Variants in SNTG1 observed in about 807,000 individuals in gnomAD.
SNTG1 encodes syntrophin gamma 1, also known as gamma-1-syntrophin.
A neutral mutation model predicts 74.7 loss-of-function variants in SNTG1; 39 were observed. The ratio of observed to expected loss-of-function variants is 0.52; its 90% confidence interval spans 0.40 to 0.68. The LOEUF (loss-of-function observed/expected upper bound fraction) is 0.68, where lower values mean the gene tolerates loss of function less well. Ranked by LOEUF, SNTG1 falls within the 30% of genes least tolerant of loss-of-function variation. The pLI is 0.00. For missense variants in SNTG1, 685 were observed against 609.5 expected (o/e 1.12, Z -1.30); for synonymous variants, 254 against 217.1 (o/e 1.17, Z -1.49).
intron 1 of SNTG1, among the ~76,000 whole-genome samples, chr8:49,949,571 G>A (rs1050404073): frequency 6.6e-6 from 1 of 152,142 alleles, no homozygotes; most frequent in African/African-American, 2.4e-5. Context: ...CTCATTGTAA[G>A]AAACAGCATT....
chr8:50,766,447 A>G (rs1488637534), intron 18 of SNTG1, among the ~76,000 whole-genome samples: 1 of 152,002 alleles, frequency 6.6e-6, no homozygotes, highest in Admixed American at 6.6e-5. Flanking sequence ...AATTTTATAT[A>G]GCTTAATAGC....
intron 1 of SNTG1, among the ~76,000 whole-genome samples, chr8:49,933,380 AC>A (rs1807769156): frequency 6.6e-6 from 1 of 152,176 alleles, no homozygotes; most frequent in Admixed American, 6.5e-5. Context: ...TTTTGGTGTC[AC>A]ATCTAAGAAA....
At chr8:50,665,678 T>C (rs1179326202) in intron 15 of SNTG1, among the ~76,000 whole-genome samples, 2 of 152,044 alleles carry the variant, frequency 1.3e-5, no homozygotes, top group Non-Finnish European at 2.9e-5. Context: ...TGGAGATAGA[T>C]GAAAAGACAT....
chr8:49,945,761 T>G (rs1007494813), intron 1 of SNTG1, among the ~76,000 whole-genome samples: 2 of 152,126 alleles, frequency 1.3e-5, no homozygotes, highest in Non-Finnish European at 2.9e-5. Flanking sequence ...CTGTGTCAGT[T>G]AACTCAAGGT....
chr8:50,195,016 G>T (rs1167923196), intron 2 of SNTG1, among the ~76,000 whole-genome samples: 1 of 152,066 alleles, frequency 6.6e-6, no homozygotes, highest in African/African-American at 2.4e-5. Context: ...AAGATTATAT[G>T]CCCCTTGTCT....
At chr8:49,930,639 A>G (rs1807493277) in intron 1 of SNTG1, among the ~76,000 whole-genome samples, 1 of 152,098 alleles carries the variant, frequency 6.6e-6, no homozygotes, top group South Asian at 2.1e-4. Context: ...AACCAGGAAC[A>G]CAGTAAGAAC....
At chr8:50,217,373 A>G (rs4873136) in intron 2 of SNTG1, among the ~76,000 whole-genome samples, 43,169 of 151,868 alleles carry the variant, frequency 0.28, 6,264 homozygotes, top group South Asian at 0.4. Context: ...ATAAAGCACT[A>G]TATATATATT....
At chr8:50,090,610 T>A (rs959930310) in intron 1 of SNTG1, among the ~76,000 whole-genome samples, 22 of 152,152 alleles carry the variant, frequency 1.4e-4, no homozygotes, top group African/African-American at 4.6e-4. Flanking sequence ...AATGAGCTAA[T>A]TGGGTCCTGT....
intron 1 of SNTG1, among the ~76,000 whole-genome samples, chr8:49,967,398 G>C (rs1811240149): frequency 6.6e-6 from 1 of 152,114 alleles, no homozygotes; most frequent in Non-Finnish European, 1.5e-5. Flanking sequence ...ATCTACTTCT[G>C]TAGACATGAG....
At chr8:49,960,335 A>T (rs1472929837) in intron 1 of SNTG1, among the ~76,000 whole-genome samples, 1 of 152,180 alleles carries the variant, frequency 6.6e-6, no homozygotes, top group African/African-American at 2.4e-5. Flanking sequence ...GGCAATTACA[A>T]CTGTATTAAT....
intron 1 of SNTG1, among the ~76,000 whole-genome samples, chr8:50,037,243 A>T (rs1456146239): frequency 6.6e-6 from 1 of 152,218 alleles, no homozygotes; most frequent in African/African-American, 2.4e-5. Flanking sequence ...AATGTAGGTT[A>T]TCTTAAAGGT....
chr8:50,448,746 T>C (rs1320114827), intron 5 of SNTG1, among the ~76,000 whole-genome samples: 1 of 152,128 alleles, frequency 6.6e-6, no homozygotes. Flanking sequence ...TAAATAGTAC[T>C]ACTGCAGGCC....
At chr8:50,051,451 AG>A (rs1186666393) in intron 1 of SNTG1, among the ~76,000 whole-genome samples, 1 of 152,182 alleles carries the variant, frequency 6.6e-6, no homozygotes, top group African/African-American at 2.4e-5. Context: ...TTAATGAAAA[AG>A]TGCAAACATG....
chr8:50,187,074 G>T (rs190320850), intron 2 of SNTG1, among the ~76,000 whole-genome samples: 1 of 152,154 alleles, frequency 6.6e-6, no homozygotes, highest in East Asian at 1.9e-4. Context: ...GTGTAAGGAA[G>T]GGGTCCAGTT....
chr8:50,148,548 C>A (rs889943085), intron 1 of SNTG1, among the ~76,000 whole-genome samples: 18 of 152,068 alleles, frequency 1.2e-4, no homozygotes, highest in African/African-American at 4.3e-4. Flanking sequence ...CTAATGATTT[C>A]CCTCCCCCCA....
intron 2 of SNTG1, among the ~76,000 whole-genome samples, chr8:50,322,944 C>T (rs1348342632): frequency 1.3e-5 from 2 of 151,560 alleles, no homozygotes; most frequent in East Asian, 2.0e-4. Flanking sequence ...GGTAAAATCC[C>T]ATCTCTACTT....
chr8:50,699,865 T>TTGAC (rs1293212592), intron 15 of SNTG1, among the ~76,000 whole-genome samples: 2 of 152,078 alleles, frequency 1.3e-5, no homozygotes, highest in Non-Finnish European at 2.9e-5. Flanking sequence ...ATTTCCAACA[T>TTGAC]TAAGTACTTC....
intron 4 of SNTG1, among the ~76,000 whole-genome samples, chr8:50,405,063 C>T (rs1334486703): frequency 1.3e-5 from 2 of 152,026 alleles, no homozygotes; most frequent in Non-Finnish European, 2.9e-5. Flanking sequence ...CGGTAGTAAA[C>T]ATTGAGGTTG....
intron 18 of SNTG1, among the ~76,000 whole-genome samples, chr8:50,779,542 T>C (rs1161469462): frequency 5.9e-5 from 9 of 152,162 alleles, no homozygotes; most frequent in Non-Finnish European, 1.3e-4. Context: ...GTGATTTTTG[T>C]ACATTGATTT....
Sources: gnomAD v4.1 joint callset for allele counts (sites outside exome capture counted in the v4.1 genomes callset) on GRCh38, gnomAD v4.1.1 for gene constraint, MANE v1.5 for transcripts, NCBI Gene and HGNC (gene_info 2026-07-23, HGNC 2026-07-21) for gene names.